Variants in INPP5D observed in about 807,000 individuals in gnomAD.
The protein encoded by INPP5D is phosphatidylinositol 3,4,5-trisphosphate 5-phosphatase 1.
INPP5D carries 33 observed loss-of-function variants against 122.9 expected under a neutral mutation model. The observed-to-expected ratio is 0.27, with a 90% confidence interval of 0.20 to 0.36. The LOEUF (loss-of-function observed/expected upper bound fraction) is 0.36, where lower values mean the gene tolerates loss of function less well. INPP5D is among the 10% of genes least tolerant of loss of function. The pLI is 1.00. For synonymous variants in INPP5D, 584 were observed against 576.2 expected (o/e 1.01, Z -0.19); for missense variants, 1,053 against 1,412.7 (o/e 0.75, Z 4.08).
chr2:233,092,459 GA>G (rs1175898316), intron 2 of INPP5D, among the ~76,000 whole-genome samples: 16 of 152,330 alleles, frequency 1.1e-4, no homozygotes. Context: ...GTGGAACCAT[GA>G]GGGCTTTTGA....
intron 5 of INPP5D, chr2:233,134,079 G>C (rs1693404920): frequency 2.2e-6 from 1 of 453,340 alleles, no homozygotes; most frequent in Non-Finnish European, 4.4e-6. Context: ...GATGAATCTA[G>C]GGTGACCCCT....
chr2:233,095,105 C>T (rs1171990097), intron 2 of INPP5D, among the ~76,000 whole-genome samples: 1 of 152,158 alleles, frequency 6.6e-6, no homozygotes, highest in Non-Finnish European at 1.5e-5. Context: ...CAATGGAAGA[C>T]TATGCAGCTG....
chr2:233,103,720 T>C (rs1400522377), intron 2 of INPP5D, among the ~76,000 whole-genome samples: 1 of 150,120 alleles, frequency 6.7e-6, no homozygotes, highest in Non-Finnish European at 1.5e-5. Context: ...TTTTTTTTTT[T>C]TTTGGAGACA....
intron 1 of INPP5D, among the ~76,000 whole-genome samples, chr2:233,071,576 A>T (rs1691384715): frequency 6.6e-6 from 1 of 152,188 alleles, no homozygotes; most frequent in Non-Finnish European, 1.5e-5. Context: ...AGTTGGAGAA[A>T]ACTACTATTG....
Position 233,125,915 on chromosome 2 carries a change from A to C in INPP5D, c.520A>C (p.Ser174Arg). 2.5e-6 allele frequency: 4 copies of C among 1,613,178 alleles called. No individual in the cohort carries two copies. Among genetic ancestry groups the C allele is most frequent in the South Asian group, 1.1e-5 (1 of 90,970 alleles). ...CCAGCGACTGCAAAGCATGGACACC[A>C]GTGGGTGAGTCCCCACTCAAGTCCA... ...LFQRLQSMDT[S>R]GLPEEHLKAI... The change falls in exon 4 of 27, where the codon AGT (serine) becomes CGT (arginine). Residue 174 changes from serine (S) to arginine (R), a missense_variant. By Grantham distance (110) the Ser-to-Arg change is moderately radical. Transcript: ENST00000445964.
intron 24 of INPP5D, among the ~76,000 whole-genome samples, chr2:233,196,458 G>C (rs1695187850): frequency 6.6e-6 from 1 of 152,204 alleles, no homozygotes; most frequent in South Asian, 2.1e-4. Flanking sequence ...TGACTGCGGA[G>C]AGAATGGAGA....
At chr2:233,104,317 G>T (rs1574728791) in intron 2 of INPP5D, among the ~76,000 whole-genome samples, 1 of 152,298 alleles carries the variant, frequency 6.6e-6, no homozygotes, top group South Asian at 2.1e-4. Flanking sequence ...AAGTGAAGCT[G>T]TTTGAGTACT....
At chr2:233,155,595 T>G (rs1694028763) in intron 9 of INPP5D, among the ~76,000 whole-genome samples, 1 of 151,960 alleles carries the variant, frequency 6.6e-6, no homozygotes, top group Non-Finnish European at 1.5e-5. Context: ...CACTCCAGCC[T>G]GGGTGATGGA....
intron 2 of INPP5D, among the ~76,000 whole-genome samples, chr2:233,117,093 C>T (rs563421308): frequency 3.9e-5 from 6 of 152,272 alleles, no homozygotes; most frequent in East Asian, 3.9e-4. Flanking sequence ...GTAACCATTG[C>T]GGGGATCATG....
At chr2:233,080,923 T>TG (rs1347083155) in intron 2 of INPP5D, among the ~76,000 whole-genome samples, 1 of 152,214 alleles carries the variant, frequency 6.6e-6, no homozygotes, top group Admixed American at 6.5e-5. Flanking sequence ...GGGCATTTGC[T>TG]GCGAGGCCTC....
At position 233,204,566 on chromosome 2, in the gene INPP5D, C is replaced by G. The variant is rs768325159; in HGVS notation, c.3416C>G (p.Pro1139Arg). The change falls in exon 26 of 27, where the codon CCG becomes CGG. Residue 1139 changes from proline (P) to arginine (R), a missense_variant. This residue lies in a region of INPP5D where 417 missense variants were observed against 425.8 expected (regional missense o/e 0.98). Coordinates refer to ENST00000445964, the MANE Select transcript of INPP5D (RefSeq NM_001017915.3). Reference protein sequence around the residue: ...INQQTPPTPTPRPPLPVKSPA... With the variant: ...INQQTPPTPTRRPPLPVKSPA... ...CAGCAGACCCCGCCCACCCCGACGC[C>G]GCGGCCGCCGCTGCCAGTCAAGAGC... 1 of 1,565,920 alleles carries G rather than the reference C, an allele frequency of 6.4e-7. No homozygotes were observed.
At chr2:233,153,479 G>T (rs1309520261) in intron 9 of INPP5D, among the ~76,000 whole-genome samples, 1 of 152,162 alleles carries the variant, frequency 6.6e-6, no homozygotes, top group Non-Finnish European at 1.5e-5. Flanking sequence ...CTGAAAGCCG[G>T]AAAGGAGATG....
chr2:233,185,737 A>AAAT, intron 20 of INPP5D, 106 bp from the exon 21 acceptor site: 2 of 951,162 alleles, frequency 2.1e-6, no homozygotes, highest in Non-Finnish European at 2.7e-6. Context: ...AAAAAAAAAA[A>AAAT]GGAGAGAGCA....
chr2:233,155,251 T>C (rs1157443395), intron 9 of INPP5D, among the ~76,000 whole-genome samples: 1 of 151,824 alleles, frequency 6.6e-6, no homozygotes, highest in African/African-American at 2.4e-5. Context: ...AAAGATACAG[T>C]TTAGAAAAGC....
At position 233,164,162 on chromosome 2, in the gene INPP5D, C is replaced by G; in HGVS notation, c.1438-145C>G. 5 of 1,418,256 alleles carry G rather than the reference C, an allele frequency of 3.5e-6. No homozygotes were observed. Among genetic ancestry groups the G allele is most frequent in the Non-Finnish European group, 4.6e-6 (5 of 1,081,472 alleles). The allele number at this position is 1,418,256 out of a possible 1,614,324, so 87.9% of individuals were successfully genotyped here. On this transcript the variant is annotated intron_variant, in intron 12 of 26. Transcript: ENST00000445964. This position sits in a 1 kb window ranked among gnomAD's most constrained non-coding sequence, Gnocchi z 4.3. Reference sequence around the variant, plus strand: ...AGGATGTTTTGTCTCGCCTATCAAGCATCGCTGGGAGTCCCCCGAAGGGTT... The same window carrying G: ...AGGATGTTTTGTCTCGCCTATCAAGGATCGCTGGGAGTCCCCCGAAGGGTT...
At chr2:233,184,633 A>C in intron 20 of INPP5D, 112 bp downstream of exon 20, 3 of 1,436,882 alleles carry the variant, frequency 2.1e-6, no homozygotes, top group Non-Finnish European at 2.8e-6. Context: ...AGGACTCACG[A>C]AGCTGATCAG....
At position 233,189,825 on chromosome 2, in the gene INPP5D, C is replaced by T; in HGVS notation, c.2359-25C>T. The T allele has an allele frequency of 6.2e-7, 1 of 1,610,732 alleles. No homozygotes were observed. Among genetic ancestry groups the T allele is most frequent in the Middle Eastern group, 1.7e-4 (1 of 6,028 alleles). ...TCACCTGTCCCTTGCCCATCAACTC[C>T]AGTCCTGTGCCCTTCTCTCTGCAGC... On this transcript the variant is annotated intron_variant, in intron 21 of 26. Coordinates refer to ENST00000445964, the MANE Select transcript of INPP5D (RefSeq NM_001017915.3). The surrounding 1 kb of genome is among the most constrained non-coding windows in gnomAD (Gnocchi z 5.6).
At chr2:233,123,826 T>C (rs1693071495) in intron 3 of INPP5D, among the ~76,000 whole-genome samples, 1 of 152,210 alleles carries the variant, frequency 6.6e-6, no homozygotes, top group Non-Finnish European at 1.5e-5. Context: ...GGAACATGGA[T>C]GGAGCTGGAG....
intron 9 of INPP5D, among the ~76,000 whole-genome samples, chr2:233,153,292 T>A (rs1037159886): frequency 6.6e-6 from 1 of 152,164 alleles, no homozygotes; most frequent in Admixed American, 6.5e-5. Flanking sequence ...CAGCATTTGG[T>A]TAGCAGTGGT....
Sources: allele counts gnomAD v4.1 joint callset (sites outside exome capture counted in the v4.1 genomes callset), GRCh38; gene constraint gnomAD v4.1.1; regional missense constraint gnomAD v4.1.1; non-coding constraint Gnocchi (gnomAD v3.1); transcripts MANE v1.5; gene names NCBI Gene and HGNC (gene_info 2026-07-23, HGNC 2026-07-21).